Variants in RFX4 observed in about 807,000 individuals in gnomAD.
The protein encoded by RFX4 is regulatory factor X4.
A neutral mutation model predicts 95.0 loss-of-function variants in RFX4; 10 were observed. The ratio of observed to expected loss-of-function variants is 0.11; its 90% CI spans 0.06 to 0.18. The LOEUF (loss-of-function observed/expected upper bound fraction) is 0.18. Among genes scored for constraint, RFX4 ranks in the 10% least tolerant of loss-of-function variants. The pLI is 1.00. For missense variants in RFX4, 640 were observed against 922.0 expected, an observed-to-expected ratio of 0.69 and a Z score of 3.96; for synonymous variants, 321 against 340.7, an observed-to-expected ratio of 0.94 and a Z score of 0.64.
chr12:106,716,859 G>C (rs924687320), intron 11 of RFX4, among the ~76,000 whole-genome samples: 2 of 152,032 alleles, frequency 1.3e-5, no homozygotes, highest in Non-Finnish European at 2.9e-5. Flanking sequence ...AGAAAACTCA[G>C]GCTTAGAGAG....
At chr12:106,591,261 CCTTTTTTTT>C (rs1439840804) in intron 1 of RFX4, among the ~76,000 whole-genome samples, 12 of 66,466 alleles carry the variant, frequency 1.8e-4, no homozygotes, top group Admixed American at 1.6e-3. Context: ...TAAAATAGTC[CCTTTTTTTT>C]TTTTTTTTTT....
chr12:106,723,362 A>T (rs1485228880), intron 13 of RFX4, among the ~76,000 whole-genome samples: 2 of 152,168 alleles, frequency 1.3e-5, no homozygotes, highest in Non-Finnish European at 2.9e-5. Context: ...GACTGATCTG[A>T]TTTCAGTTCC....
Position 106,628,762 on chromosome 12 carries a change from C to CT in RFX4, c.131-10553dup, listed in dbSNP as rs397850563. Among the ~76,000 whole-genome samples, 745 of 133,242 alleles carry CT rather than the reference C, an allele frequency of 5.6e-3. 4 individuals are homozygous for CT. The highest frequency in any genetic ancestry group is 0.012 in the Middle Eastern group (3 of 244). 87.4% of individuals were successfully genotyped at this position (133,242 alleles called of 152,430 possible). ...AAATGAAAAATTCAAATATATGTTC[C>CT]TTTTTTTTTTTTTTTTTGAGACAGA... is the stretch of plus-strand genomic sequence containing the variant. On this transcript the variant is annotated intron_variant, in intron 2 of 17. Coordinates refer to ENST00000392842, the MANE Select transcript of RFX4 (RefSeq NM_213594.3).
At chr12:106,692,266 A>T (rs1163285331) in intron 7 of RFX4, among the ~76,000 whole-genome samples, 1 of 152,188 alleles carries the variant, frequency 6.6e-6, no homozygotes, top group Middle Eastern at 3.2e-3. Flanking sequence ...TTGAGTCTCA[A>T]ATCTGCCACT....
chr12:106,683,493 AAAAC>A (rs1461766190), intron 5 of RFX4: 4 of 121,858 alleles, frequency 3.3e-5, no homozygotes, highest in Admixed American at 9.2e-5. Flanking sequence ...AAAAAAAAAA[AAAAC>A]AAACCTCAGT....
intron 1 of RFX4, among the ~76,000 whole-genome samples, chr12:106,606,998 G>T (rs530579796): frequency 1.3e-5 from 2 of 152,164 alleles, no homozygotes; most frequent in Non-Finnish European, 2.9e-5. Flanking sequence ...GAAAAACAGA[G>T]ATTAAAATCC....
At position 106,606,375 on chromosome 12, in the gene RFX4, G is replaced by A. The variant is rs148800246; in HGVS notation, c.44-2422G>A. On this transcript the variant is annotated intron_variant, in intron 1 of 17. Transcript: ENST00000392842. ...GGTGGTAAGGTTTGGTGGAGGCAGG[G>A]GCTGCAAACTTTAGCAGATGCCATC... Among the ~76,000 whole-genome samples, 876 of 152,210 alleles carry A rather than the reference G, an allele frequency of 5.8e-3. 8 individuals are homozygous for A. The highest frequency in any genetic ancestry group is 0.02 in the African/African-American group (838 of 41,518).
intron 4 of RFX4, among the ~76,000 whole-genome samples, chr12:106,677,338 C>T (rs902807756): frequency 1.3e-5 from 2 of 151,990 alleles, no homozygotes; most frequent in Non-Finnish European, 2.9e-5. Flanking sequence ...GCATTCCAGG[C>T]ACAGGGAACA....
rs568793614 is a variant in RFX4, at chr12:106,701,063, T to C, written c.833+4617T>C. The stretch of plus-strand genomic sequence containing the variant: ...AAAATTTTCTTTAATGTTTCTCATA[T>C]TGCAGGTCTAGTGGTAACAAATTAT... On this transcript the variant is annotated intron_variant, in intron 8 of 17. Coordinates refer to ENST00000392842, the MANE Select transcript of RFX4 (RefSeq NM_213594.3). Among the ~76,000 whole-genome samples the C allele has an allele frequency of 6.6e-5, 10 of 152,358 alleles. No homozygotes were observed. The East Asian group carries it at 1.3e-3, about 21-fold the overall frequency.
chr12:106,663,073 C>G (rs1362435387), intron 4 of RFX4, among the ~76,000 whole-genome samples: 1 of 152,014 alleles, frequency 6.6e-6, no homozygotes, highest in Admixed American at 6.6e-5. Flanking sequence ...ACATTAGAAT[C>G]AATTTATTGA....
At chr12:106,615,315 T>C (rs1344548088) in intron 2 of RFX4, among the ~76,000 whole-genome samples, 3 of 152,218 alleles carry the variant, frequency 2.0e-5, no homozygotes, top group East Asian at 1.9e-4. Flanking sequence ...GTCTGGACTT[T>C]TATTCCAAAC....
chr12:106,695,693 C>T (rs1027427038), intron 7 of RFX4, among the ~76,000 whole-genome samples: 1 of 152,120 alleles, frequency 6.6e-6, no homozygotes, highest in Non-Finnish European at 1.5e-5. Context: ...CCATATAGCA[C>T]CCACTGGCCA....
At position 106,735,853 on chromosome 12, in the gene RFX4, T is replaced by A. The variant is rs890345712; in HGVS notation, c.1633+2768T>A. Among the ~76,000 whole-genome samples the A allele has an allele frequency of 7.2e-5, 11 of 152,308 alleles. No homozygotes were observed. In the South Asian group the frequency reaches 1.0e-3, roughly 14 times the overall value. On this transcript the variant is annotated intron_variant, in intron 15 of 17. Coordinates refer to ENST00000392842, the MANE Select transcript of RFX4 (RefSeq NM_213594.3). ...GTGTTATGGAAGGAAGAATGTGGTA[T>A]ATGCAATAAGTGAGATATAAACTAA...
chr12:106,687,167 A>ATT, intron 6 of RFX4, 70 bp downstream of exon 6: 2 of 791,658 alleles, frequency 2.5e-6, no homozygotes, highest in African/African-American at 3.9e-5. Context: ...CTCTGTCTCT[A>ATT]TCTCTCTCTC....
intron 1 of RFX4, among the ~76,000 whole-genome samples, chr12:106,599,884 G>T (rs1431794690): frequency 6.6e-6 from 1 of 152,004 alleles, no homozygotes; most frequent in Non-Finnish European, 1.5e-5. Flanking sequence ...AAATGTTCAG[G>T]TTTGGATGAT....
At chr12:106,694,725 T>A (rs2041846423) in intron 7 of RFX4, among the ~76,000 whole-genome samples, 1 of 152,108 alleles carries the variant, frequency 6.6e-6, no homozygotes, top group African/African-American at 2.4e-5. Flanking sequence ...GTACCTGGCA[T>A]ATAGTAGGTA....
intron 4 of RFX4, among the ~76,000 whole-genome samples, chr12:106,670,687 T>C (rs962169039): frequency 1.1e-4 from 16 of 152,188 alleles, no homozygotes; most frequent in African/African-American, 3.6e-4. Context: ...GGAAGTGTCA[T>C]AAAAATTGTT....
At chr12:106,706,546 C>G (rs1391312631) in intron 8 of RFX4, among the ~76,000 whole-genome samples, 1 of 151,944 alleles carries the variant, frequency 6.6e-6, no homozygotes, top group African/African-American at 2.4e-5. Context: ...TCCAAAATAG[C>G]GTATGCAAAA....
At chr12:106,674,338 T>A (rs933013229) in intron 4 of RFX4, among the ~76,000 whole-genome samples, 6 of 151,256 alleles carry the variant, frequency 4.0e-5, no homozygotes, top group Non-Finnish European at 8.8e-5. Flanking sequence ...TTCTTTCTTT[T>A]TTTTTTTTCC....
Sources: allele counts gnomAD v4.1 joint callset (sites outside exome capture counted in the v4.1 genomes callset), GRCh38; gene constraint gnomAD v4.1.1; transcripts MANE v1.5; gene names NCBI Gene and HGNC (gene_info 2026-07-23, HGNC 2026-07-21).